LKAAEAR1: variants seen among roughly 807,000 people sequenced by gnomAD.
The protein encoded by LKAAEAR1 is LKAAEAR motif containing 1.
LKAAEAR1 carries 19 observed loss-of-function variants against 16.5 expected under a neutral mutation model. The observed-to-expected ratio is 1.15, with a 90% confidence interval of 0.80 to 1.69. LKAAEAR1 has a LOEUF of 1.69. Ranked by LOEUF, LKAAEAR1 falls within the 40% of genes most tolerant of loss-of-function variation. LKAAEAR1 has a pLI of 0.00. For missense variants in LKAAEAR1, 304 were observed against 315.8 expected (o/e 0.96, Z 0.28); for synonymous variants, 124 against 152.7 (o/e 0.81, Z 1.39).
chr20:64,084,196 G>C lies in LKAAEAR1; in HGVS notation c.24C>G (p.Gly8=). 7.0e-7 allele frequency: 1 copy of C among 1,430,274 alleles called. No homozygotes were observed. The highest frequency in any genetic ancestry group is 1.4e-5 in the South Asian group (1 of 70,768). 88.6% of individuals were successfully genotyped at this position (1,430,274 alleles called of 1,614,324 possible). A position where few individuals can be genotyped will look rare whatever the true frequency, so the allele number is the denominator to read the frequency against. The part of the protein sequence containing the change: MPPPAKE[G]GRKGPRERSG... Reference sequence around the variant, plus strand: ...TTCGCTCCCGCGGGCCCTTGCGCCCGCCCTCCTTCGCTGGCGGCGGCATCC... The same window carrying C: ...TTCGCTCCCGCGGGCCCTTGCGCCCCCCCTCCTTCGCTGGCGGCGGCATCC... The change falls in exon 1 of 3, where the codon GGC becomes GGG. Residue 8 remains glycine, a synonymous_variant. Coordinates refer to ENST00000302096, the MANE Select transcript of LKAAEAR1 (RefSeq NM_001353425.2).
Position 64,083,629 on chromosome 20 carries a change from G to T in LKAAEAR1, c.479C>A (p.Pro160Gln). ...CGGGATCCGCGCGGGCTTCAGCTGC[G>T]GCGGCAGGAACAGCTCCAGCCGGAT... ...AAIRLELFLP[P>Q]QLKPARIPDP... is the part of the protein sequence containing the mutation. The change falls in exon 2 of 3, where the codon CCG becomes CAG. Residue 160 changes from proline (P) to glutamine (Q), a missense_variant. Coordinates refer to ENST00000302096, the MANE Select transcript of LKAAEAR1 (RefSeq NM_001353425.2). This position sits in a 1 kb window ranked among gnomAD's most constrained non-coding sequence, Gnocchi z 4.9. 1 of 1,473,936 alleles carries T rather than the reference G, an allele frequency of 6.8e-7. No individual in the cohort carries two copies. The highest frequency in any genetic ancestry group is 9.0e-7 in the Non-Finnish European group (1 of 1,115,250). 91.3% of individuals were successfully genotyped at this position (1,473,936 alleles called of 1,614,324 possible). A position where few individuals can be genotyped will look rare whatever the true frequency, so the allele number is the denominator to read the frequency against.
In LKAAEAR1 at chr20:64,083,747, C is replaced by A; in HGVS notation, c.403-42G>T. 11 of 1,337,302 alleles carry A rather than the reference C, an allele frequency of 8.2e-6. No individual in the cohort carries two copies. The highest frequency in any genetic ancestry group is 1.0e-5 in the Non-Finnish European group (11 of 1,050,216). 82.8% of individuals were successfully genotyped at this position (1,337,302 alleles called of 1,614,324 possible). On this transcript the variant is annotated intron_variant, in intron 1 of 2. Transcript: ENST00000302096. The surrounding 1 kb of genome is among the most constrained non-coding windows in gnomAD (Gnocchi z 4.9). ...GCTGAGCGCGCGCCGAGCCCCGCCC[C>A]GCCCCGCCCCGGCCGGCTCCGCTCA...
Position 64,083,701 on chromosome 20 carries a change from T to C in LKAAEAR1, c.407A>G (p.Glu136Gly), listed in dbSNP as rs2059998905. 4.3e-6 allele frequency: 6 copies of C among 1,390,798 alleles called. No individual in the cohort carries two copies. Among genetic ancestry groups the C allele is most frequent in the African/African-American group, 3.0e-5 (2 of 65,606 alleles). The allele number at this position is 1,390,798 out of a possible 1,614,324, so 86.2% of individuals were successfully genotyped here. ...CCGCTGGATGAGCAGCGCGATCTCCTCGGCCTGCGGGGCCCGGGTAGCTGA... is the reference window on the plus strand; with the variant it reads ...CCGCTGGATGAGCAGCGCGATCTCCCCGGCCTGCGGGGCCCGGGTAGCTGA... ...LRLRYTRMRAEEIALLIQRQK... is the reference protein window; with the variant it reads ...LRLRYTRMRAGEIALLIQRQK... Residue 136 changes from glutamate (E) to glycine (G), a missense_variant, in exon 2 of 3, where the codon GAG becomes GGG. Coordinates refer to ENST00000302096, the MANE Select transcript of LKAAEAR1 (RefSeq NM_001353425.2). The surrounding 1 kb of genome is among the most constrained non-coding windows in gnomAD (Gnocchi z 4.9).
In LKAAEAR1 at chr20:64,084,201, C is replaced by A. The variant is rs577122207; in HGVS notation, c.19G>T (p.Glu7Ter). The A allele has an allele frequency of 7.0e-7, 1 of 1,424,980 alleles. No individual in the cohort carries two copies. The highest frequency in any genetic ancestry group is 9.1e-7 in the Non-Finnish European group (1 of 1,096,794). 88.3% of individuals were successfully genotyped at this position (1,424,980 alleles called of 1,614,324 possible). Residue 7 changes from glutamate to a stop codon, truncating the protein, a stop_gained, in exon 1 of 3, where the codon GAG becomes TAG. Coordinates refer to ENST00000302096, the MANE Select transcript of LKAAEAR1 (RefSeq NM_001353425.2). LOFTEE classifies it high-confidence loss of function. MPPPAK[E>*]GGRKGPRERS... The stretch of plus-strand genomic sequence containing the variant: ...TCCCGCGGGCCCTTGCGCCCGCCCT[C>A]CTTCGCTGGCGGCGGCATCCTCCCG...
In LKAAEAR1 at chr20:64,083,633, G is replaced by T; in HGVS notation, c.475C>A (p.Pro159Thr). The change falls in exon 2 of 3, where the codon CCG becomes ACG. Residue 159 changes from proline (P) to threonine (T), a missense_variant. By Grantham distance (38) the Pro-to-Thr change is conservative. Transcript: ENST00000302096. This position sits in a 1 kb window ranked among gnomAD's most constrained non-coding sequence, Gnocchi z 4.9. The part of the protein sequence containing the change: ...RAAIRLELFL[P>T]PQLKPARIPD... ...ATCCGCGCGGGCTTCAGCTGCGGCG[G>T]CAGGAACAGCTCCAGCCGGATGGCG... is the stretch of plus-strand genomic sequence containing the variant. 1 of 1,474,020 alleles carries T rather than the reference G, an allele frequency of 6.8e-7. No homozygotes were observed. The highest frequency in any genetic ancestry group is 2.5e-5 in the Admixed American group (1 of 40,208). The allele number at this position is 1,474,020 out of a possible 1,614,324, so 91.3% of individuals were successfully genotyped here.
Position 64,083,669 on chromosome 20 carries a change from ACTT to A in LKAAEAR1, c.436_438del (p.Lys146del), listed in dbSNP as rs1375151611. On this transcript the variant is annotated inframe_deletion, in exon 2 of 3. Transcript: ENST00000302096. This position sits in a 1 kb window ranked among gnomAD's most constrained non-coding sequence, Gnocchi z 4.9. Reference sequence around the variant, plus strand: ...TCCAGCCGGATGGCGGCGCGCGCGGACTTCTGCCGCTGGATGAGCAGCGCGATC... The same window carrying A: ...TCCAGCCGGATGGCGGCGCGCGCGGACTGCCGCTGGATGAGCAGCGCGATC... 7.0e-7 allele frequency: 1 copy of A among 1,431,464 alleles called. No individual in the cohort carries two copies. Among genetic ancestry groups the A allele is most frequent in the African/African-American group, 1.5e-5 (1 of 66,296 alleles). 88.7% of individuals were successfully genotyped at this position (1,431,464 alleles called of 1,614,324 possible). A position where few individuals can be genotyped will look rare whatever the true frequency, so the allele number is the denominator to read the frequency against.
At position 64,083,896 on chromosome 20, in the gene LKAAEAR1, G is replaced by A; in HGVS notation, c.324C>T (p.Asn108=). ...CTGCCTTGAGGACGCCGAGGAGCCGGTTCTGGCGCTCGGCGGGCAGCTCGA... is the reference window on the plus strand; with the variant it reads ...CTGCCTTGAGGACGCCGAGGAGCCGATTCTGGCGCTCGGCGGGCAGCTCGA... The part of the protein sequence containing the change: ...QSLELPAERQ[N]RLLGVLKAAE... The change falls in exon 1 of 3, where the codon AAC becomes AAT. Residue 108 remains asparagine, a synonymous_variant. Coordinates refer to ENST00000302096, the MANE Select transcript of LKAAEAR1 (RefSeq NM_001353425.2). The surrounding 1 kb of genome is among the most constrained non-coding windows in gnomAD (Gnocchi z 4.9). 3 of 1,445,590 alleles carry A rather than the reference G, an allele frequency of 2.1e-6. No homozygotes were observed. Among genetic ancestry groups the A allele is most frequent in the Non-Finnish European group, 2.7e-6 (3 of 1,105,344 alleles). 89.5% of individuals were successfully genotyped at this position (1,445,590 alleles called of 1,614,324 possible). A position where few individuals can be genotyped will look rare whatever the true frequency, so the allele number is the denominator to read the frequency against.
At position 64,084,028 on chromosome 20, in the gene LKAAEAR1, G is replaced by A. The variant is rs755402580; in HGVS notation, c.192C>T (p.Leu64=). The part of the protein sequence containing the change: ...MLPAQRHRHL[L]FGDLLEDVGA... ...CCACGTCCTCCAGCAGGTCGCCGAA[G>A]AGCAGATGGCGGTGGCGCTGCGCAG... Residue 64 remains leucine (L), a synonymous_variant, in exon 1 of 3, where the codon CTC becomes CTT. Transcript: ENST00000302096. The A allele has an allele frequency of 7.3e-6, 11 of 1,504,288 alleles. 1 individual carries two copies. The South Asian group carries it at 1.1e-4, about 15-fold the overall frequency. 93.2% of individuals were successfully genotyped at this position (1,504,288 alleles called of 1,614,324 possible). A position where few individuals can be genotyped will look rare whatever the true frequency, so the allele number is the denominator to read the frequency against.
Position 64,084,302 on chromosome 20 carries a change from A to ACCGGGGCTTGTCTGC in LKAAEAR1, c.-84_-83insGCAGACAAGCCCCGG. The ACCGGGGCTTGTCTGC allele has an allele frequency of 7.7e-7, 1 of 1,300,216 alleles. No individual in the cohort carries two copies. The highest frequency in any genetic ancestry group is 2.2e-5 in the South Asian group (1 of 44,794). The allele number at this position is 1,300,216 out of a possible 1,614,324, so 80.5% of individuals were successfully genotyped here. A position where few individuals can be genotyped will look rare whatever the true frequency, so the allele number is the denominator to read the frequency against. ...CCTGCCCGCCCCTCGGCAGGGCCCC[A>ACCGGGGCTTGTCTGC]ACGTGCGCCCCAGCTCCCGCCCGCT... On this transcript the variant is annotated 5_prime_UTR_variant, in exon 1 of 3. Transcript: ENST00000302096.
Position 64,084,127 on chromosome 20 carries a change from G to T in LKAAEAR1, c.93C>A (p.Ala31=), listed in dbSNP as rs2060012125. 6.8e-6 allele frequency: 10 copies of T among 1,470,636 alleles called. No individual in the cohort carries two copies. The highest frequency in any genetic ancestry group is 8.0e-6 in the Non-Finnish European group (9 of 1,118,786). The allele number at this position is 1,470,636 out of a possible 1,614,324, so 91.1% of individuals were successfully genotyped here. The change falls in exon 1 of 3, where the codon GCC becomes GCA. Residue 31 remains alanine (A), a synonymous_variant. Transcript: ENST00000302096. ...GGGGCTCTGTCGCGGGCGCCCCCTT[G>T]GCACGCTCCTCACCCTGCGCCGTGC... ...APGTAQGEER[A]KGAPATEPPK...
Position 64,083,567 on chromosome 20 carries a change from C to T in LKAAEAR1, c.525+16G>A, listed in dbSNP as rs747374498. ...GCCCCTCCCCTTTCCCCGCCCCTACCGGGGCTTGTCTGCACCTCTTGGCGG... is the reference window on the plus strand; with the variant it reads ...GCCCCTCCCCTTTCCCCGCCCCTACTGGGGCTTGTCTGCACCTCTTGGCGG... On this transcript the variant is annotated intron_variant, in intron 2 of 2. Transcript: ENST00000302096. The surrounding 1 kb of genome is among the most constrained non-coding windows in gnomAD (Gnocchi z 4.9). 2 of 1,525,710 alleles carry T rather than the reference C, an allele frequency of 1.3e-6. No homozygotes were observed. Among genetic ancestry groups the T allele is most frequent in the Non-Finnish European group, 8.8e-7 (1 of 1,136,284 alleles). The allele number at this position is 1,525,710 out of a possible 1,614,324, so 94.5% of individuals were successfully genotyped here. A position where few individuals can be genotyped will look rare whatever the true frequency, so the allele number is the denominator to read the frequency against.
At position 64,083,464 on chromosome 20, in the gene LKAAEAR1, T is replaced by C. The variant is rs757740596; in HGVS notation, c.556A>G (p.Asn186Asp). The C allele has an allele frequency of 2.5e-6, 4 of 1,607,572 alleles. No individual in the cohort carries two copies. The highest frequency in any genetic ancestry group is 3.4e-6 in the Non-Finnish European group (4 of 1,177,884). Residue 186 changes from asparagine to aspartate, a missense_variant, in exon 3 of 3, where the codon AAC becomes GAC. Asn to Asp is a conservative substitution (Grantham distance 23). Coordinates refer to ENST00000302096, the MANE Select transcript of LKAAEAR1 (RefSeq NM_001353425.2). The surrounding 1 kb of genome is among the most constrained non-coding windows in gnomAD (Gnocchi z 4.9). Reference protein sequence around the residue: ...RRRVETILEENVDGTIFPR With the variant: ...RRRVETILEEDVDGTIFPR Reference sequence around the variant, plus strand: ...CGCGGGAAGATGGTGCCATCCACGTTCTCCTCCAGGATGGTCTCCACGCGC... The same window carrying C: ...CGCGGGAAGATGGTGCCATCCACGTCCTCCTCCAGGATGGTCTCCACGCGC...
rs2060013357 is a variant in LKAAEAR1 at position 64,084,173 on chromosome 20, C to G, written c.47G>C (p.Arg16Pro). 2 of 1,451,360 alleles carry G rather than the reference C, an allele frequency of 1.4e-6. No individual in the cohort carries two copies. The highest frequency in any genetic ancestry group is 1.8e-6 in the Non-Finnish European group (2 of 1,109,602). The allele number at this position is 1,451,360 out of a possible 1,614,324, so 89.9% of individuals were successfully genotyped here. A position where few individuals can be genotyped will look rare whatever the true frequency, so the allele number is the denominator to read the frequency against. Residue 16 changes from arginine to proline, a missense_variant, in exon 1 of 3, where the codon CGA (arginine) becomes CCA (proline). Arg to Pro is a moderately radical substitution (Grantham distance 103). Coordinates refer to ENST00000302096, the MANE Select transcript of LKAAEAR1 (RefSeq NM_001353425.2). ...CGTGCCTGGCGCGCTCTTCCCGCTTCGCTCCCGCGGGCCCTTGCGCCCGCC... is the reference window on the plus strand; with the variant it reads ...CGTGCCTGGCGCGCTCTTCCCGCTTGGCTCCCGCGGGCCCTTGCGCCCGCC... ...KEGGRKGPRERSGKSAPGTAQ... is the reference protein window; with the variant it reads ...KEGGRKGPREPSGKSAPGTAQ...
Position 64,083,738 on chromosome 20 carries a change from G to GC in LKAAEAR1, c.403-34dup. ...GCCCGGGTAGCTGAGCGCGCGCCGA[G>GC]CCCCGCCCCGCCCCGCCCCGGCCGG... On this transcript the variant is annotated intron_variant, in intron 1 of 2. Transcript: ENST00000302096. This position sits in a 1 kb window ranked among gnomAD's most constrained non-coding sequence, Gnocchi z 4.9. 7.5e-7 allele frequency: 1 copy of GC among 1,326,752 alleles called. No homozygotes were observed. The highest frequency in any genetic ancestry group is 9.6e-7 in the Non-Finnish European group (1 of 1,042,688). The allele number at this position is 1,326,752 out of a possible 1,614,324, so 82.2% of individuals were successfully genotyped here.
rs2060010172 is a variant in LKAAEAR1 at position 64,084,071 on chromosome 20, C to T, written c.149G>A (p.Gly50Glu). ...PKPGWALTPQ[G>E]LAAMLPAQRH... Reference sequence around the variant, plus strand: ...CTGCGCAGGGAGCATGGCCGCCAGTCCCTGCGGCGTCAGGGCCCAGCCCGG... The same window carrying T: ...CTGCGCAGGGAGCATGGCCGCCAGTTCCTGCGGCGTCAGGGCCCAGCCCGG... Residue 50 changes from glycine to glutamate, a missense_variant, in exon 1 of 3, where the codon GGA becomes GAA. Coordinates refer to ENST00000302096, the MANE Select transcript of LKAAEAR1 (RefSeq NM_001353425.2). 1 of 1,496,548 alleles carries T rather than the reference C, an allele frequency of 6.7e-7. No homozygotes were observed. The highest frequency in any genetic ancestry group is 8.8e-7 in the Non-Finnish European group (1 of 1,132,782). The allele number at this position is 1,496,548 out of a possible 1,614,324, so 92.7% of individuals were successfully genotyped here.
rs1055207954 is a variant in LKAAEAR1 at position 64,083,993 on chromosome 20, G to T, written c.227C>A (p.Ala76Asp). The change falls in exon 1 of 3, where the codon GCC becomes GAC. Residue 76 changes from alanine to aspartate, a missense_variant. Coordinates refer to ENST00000302096, the MANE Select transcript of LKAAEAR1 (RefSeq NM_001353425.2). This position sits in a 1 kb window ranked among gnomAD's most constrained non-coding sequence, Gnocchi z 4.9. ...GDLLEDVGAA[A>D]STFPCGSVEP... is the part of the protein sequence containing the mutation. ...CACCGACCCGCACGGGAAGGTGGAG[G>T]CCGCCGCGCCCACGTCCTCCAGCAG... is the stretch of plus-strand genomic sequence containing the variant. The T allele has an allele frequency of 6.7e-6, 10 of 1,486,270 alleles. No homozygotes were observed. The highest frequency in any genetic ancestry group is 8.9e-6 in the Non-Finnish European group (10 of 1,126,540). 92.1% of individuals were successfully genotyped at this position (1,486,270 alleles called of 1,614,324 possible). A position where few individuals can be genotyped will look rare whatever the true frequency, so the allele number is the denominator to read the frequency against.
At chr20:64,084,947 C>T (rs1318990678), upstream of LKAAEAR1, 3 of 152,248 alleles carry the variant, frequency 2.0e-5, no homozygotes, top group African/African-American at 7.2e-5. Context: ...GGAAGAACCT[C>T]CGCCGTAGCC....
rs950242556 is a variant in LKAAEAR1 at position 64,083,920 on chromosome 20, G to C, written c.300C>G (p.Leu100=). The C allele has an allele frequency of 4.1e-6, 6 of 1,451,644 alleles. No homozygotes were observed. The African/African-American group carries it at 7.4e-5, about 18-fold the overall frequency. 89.9% of individuals were successfully genotyped at this position (1,451,644 alleles called of 1,614,324 possible). ...MPDPRPWTQS[L]ELPAERQNRL... is the part of the protein sequence containing the mutation. ...GGTTCTGGCGCTCGGCGGGCAGCTC[G>C]AGCGACTGCGTCCACGGGCGCGGGT... Residue 100 remains leucine (L), a synonymous_variant, in exon 1 of 3, where the codon CTC becomes CTG. Coordinates refer to ENST00000302096, the MANE Select transcript of LKAAEAR1 (RefSeq NM_001353425.2). The surrounding 1 kb of genome is among the most constrained non-coding windows in gnomAD (Gnocchi z 4.9).
In LKAAEAR1 at chr20:64,084,225, C is replaced by G; in HGVS notation, c.-6G>C. 7.2e-7 allele frequency: 1 copy of G among 1,389,132 alleles called. No individual in the cohort carries two copies. The highest frequency in any genetic ancestry group is 1.6e-5 in the South Asian group (1 of 62,992). The allele number at this position is 1,389,132 out of a possible 1,614,324, so 86.1% of individuals were successfully genotyped here. The stretch of plus-strand genomic sequence containing the variant: ...TCCTTCGCTGGCGGCGGCATCCTCC[C>G]GCCCTGCGGAGGGAGGAGGGCGTCC... On this transcript the variant is annotated 5_prime_UTR_variant, in exon 1 of 3. Coordinates refer to ENST00000302096, the MANE Select transcript of LKAAEAR1 (RefSeq NM_001353425.2).
Sources: allele counts gnomAD v4.1 joint callset, GRCh38; gene constraint gnomAD v4.1.1; non-coding constraint Gnocchi (gnomAD v3.1); transcripts MANE v1.5; gene names NCBI Gene and HGNC (gene_info 2026-07-23, HGNC 2026-07-21).